Variants in CDKAL1 observed in about 807,000 individuals in gnomAD.
CDKAL1 encodes threonylcarbamoyladenosine tRNA methylthiotransferase.
Under a neutral mutation model 68.2 loss-of-function variants are expected in CDKAL1, and 32 were observed. That is an observed-to-expected ratio of 0.47 (90% CI 0.35 to 0.63). The LOEUF (loss-of-function observed/expected upper bound fraction) is 0.63, where lower values mean the gene tolerates loss of function less well. Ranked by LOEUF, CDKAL1 falls within the 30% of genes least tolerant of loss-of-function variation. The pLI is 0.00. For synonymous variants in CDKAL1, 234 were observed against 244.3 expected (o/e 0.96, Z 0.39); for missense variants, 606 against 696.7 (o/e 0.87, Z 1.47).
chr6:20,926,523 A>C (rs1433277796), intron 9 of CDKAL1, among the ~76,000 whole-genome samples: 1 of 152,134 alleles, frequency 6.6e-6, no homozygotes, highest in Non-Finnish European at 1.5e-5. Context: ...TTCTGTGAAA[A>C]CAGAGTAAAA....
intron 8 of CDKAL1, among the ~76,000 whole-genome samples, chr6:20,834,932 C>A (rs1777867599): frequency 6.6e-6 from 1 of 152,112 alleles, no homozygotes; most frequent in African/African-American, 2.4e-5. Context: ...CAGGAAACAG[C>A]TAGCAAACAC....
rs952101681 is a variant in CDKAL1 at position 21,204,611 on chromosome 6, G to A, written c.1548+3337G>A. ...TATGCTACATGTGTTCACTCATATCGCCCTCATAACCCTGAGAGGAAGGCA... is the reference window on the plus strand; with the variant it reads ...TATGCTACATGTGTTCACTCATATCACCCTCATAACCCTGAGAGGAAGGCA... On this transcript the variant is annotated intron_variant, in intron 15 of 15. Coordinates refer to ENST00000274695, the MANE Select transcript of CDKAL1 (RefSeq NM_017774.3). Among the ~76,000 whole-genome samples the A allele has an allele frequency of 1.4e-4, 21 of 151,944 alleles. 1 individual carries two copies. Among genetic ancestry groups the A allele is most frequent in the African/African-American group, 4.1e-4 (17 of 41,304 alleles).
In CDKAL1 at chr6:20,958,166, A is replaced by T. The variant is rs547407675; in HGVS notation, c.909+2581A>T. On this transcript the variant is annotated intron_variant, in intron 10 of 15. Coordinates refer to ENST00000274695, the MANE Select transcript of CDKAL1 (RefSeq NM_017774.3). ...CTCTGCACTTTATGTGCAGGAGGTAATCCAGGCTGTGATACCACACCCAGG... is the reference window on the plus strand; with the variant it reads ...CTCTGCACTTTATGTGCAGGAGGTATTCCAGGCTGTGATACCACACCCAGG... 1.1e-4 allele frequency among the ~76,000 whole-genome samples: 16 copies of T among 152,256 alleles called. No homozygotes were observed. In the South Asian group the frequency reaches 2.9e-3, roughly 28 times the overall value.
Position 21,059,778 on chromosome 6 carries a change from G to A in CDKAL1, c.1056-5270G>A, listed in dbSNP as rs180675205. ...CCCCTGATTTTAAAAATATTTTTAA[G>A]TACCTTTTAGGGTACAAGTGGTTTC... On this transcript the variant is annotated intron_variant, in intron 11 of 15. Transcript: ENST00000274695. Among the ~76,000 whole-genome samples, 41 of 152,206 alleles carry A rather than the reference G, an allele frequency of 2.7e-4. 1 individual carries two copies. In the East Asian group the frequency reaches 4.6e-3, roughly 17 times the overall value.
chr6:20,976,984 CATA>C (rs1341518804), intron 10 of CDKAL1, among the ~76,000 whole-genome samples: 3 of 152,130 alleles, frequency 2.0e-5, no homozygotes, highest in African/African-American at 7.2e-5. Context: ...TTTTGGCAGA[CATA>C]ATACACTCAT....
chr6:20,748,558 A>G (rs1773769702), intron 6 of CDKAL1, among the ~76,000 whole-genome samples: 2 of 7,182 alleles, frequency 2.8e-4, no homozygotes, highest in African/African-American at 7.2e-4. Context: ...GTTTCTGGAA[A>G]AAAAAAAAAA....
chr6:20,891,789 T>C (rs1415546737), intron 9 of CDKAL1, among the ~76,000 whole-genome samples: 1 of 152,176 alleles, frequency 6.6e-6, no homozygotes, highest in Non-Finnish European at 1.5e-5. Flanking sequence ...CGCCTTGGCC[T>C]CCCAAAATGC....
intron 8 of CDKAL1, among the ~76,000 whole-genome samples, chr6:20,791,411 AAC>A (rs1265390684): frequency 6.6e-6 from 1 of 152,200 alleles, no homozygotes; most frequent in Non-Finnish European, 1.5e-5. Flanking sequence ...TTGTGACTCG[AAC>A]CACATCATCT....
chr6:20,908,665 G>A (rs927520909), intron 9 of CDKAL1, among the ~76,000 whole-genome samples: 32 of 152,064 alleles, frequency 2.1e-4, no homozygotes, highest in Non-Finnish European at 3.8e-4. Context: ...AGGGAAAAAG[G>A]TTTCCTCCAG....
intron 9 of CDKAL1, among the ~76,000 whole-genome samples, chr6:20,896,103 C>CTTTTTTTTTTTTTTTTTTTTTTTTT (rs777787310): frequency 1.1e-5 from 1 of 90,146 alleles, no homozygotes; most frequent in African/African-American, 4.0e-5. Flanking sequence ...CTTTTCTTTT[C>CTTTTTTTTTTTTTTTTTTTTTTTTT]TTTTTTTTTT....
intron 9 of CDKAL1, among the ~76,000 whole-genome samples, chr6:20,886,345 T>C (rs1283295989): frequency 1.3e-5 from 2 of 152,186 alleles, no homozygotes; most frequent in East Asian, 3.8e-4. Flanking sequence ...CTTAAAAAGT[T>C]GAACATAGAA....
chr6:20,567,055 C>T (rs947735562), intron 4 of CDKAL1, among the ~76,000 whole-genome samples: 9 of 151,712 alleles, frequency 5.9e-5, no homozygotes, highest in Admixed American at 2.0e-4. Flanking sequence ...ATGTTCTTTT[C>T]GCTTTGTCTT....
At chr6:21,199,992 A>G (rs1778624947) in intron 14 of CDKAL1, among the ~76,000 whole-genome samples, 1 of 152,180 alleles carries the variant, frequency 6.6e-6, no homozygotes, top group Non-Finnish European at 1.5e-5. Flanking sequence ...CTGTCTCTAT[A>G]ACTAAGCATA....
intron 5 of CDKAL1, among the ~76,000 whole-genome samples, chr6:20,692,364 C>T (rs191433212): frequency 6.6e-6 from 1 of 152,186 alleles, no homozygotes; most frequent in Non-Finnish European, 1.5e-5. Flanking sequence ...CTGTTGGGAG[C>T]TCCAAACATC....
intron 9 of CDKAL1, among the ~76,000 whole-genome samples, chr6:20,848,793 CT>C (rs773701322): frequency 3.2e-3 from 448 of 139,106 alleles, no homozygotes; most frequent in Non-Finnish European, 3.3e-3. Context: ...TTCTTTCTTT[CT>C]TTTTTTTTTT....
chr6:20,824,765 C>T (rs72832364), intron 8 of CDKAL1, among the ~76,000 whole-genome samples: 15,750 of 152,074 alleles, frequency 0.1, 899 homozygotes, highest in African/African-American at 0.13. Context: ...GAAAGGATTC[C>T]GCAAGGGCGT....
chr6:20,820,683 G>T (rs1561805287), intron 8 of CDKAL1, among the ~76,000 whole-genome samples: 1 of 152,136 alleles, frequency 6.6e-6, no homozygotes, highest in Non-Finnish European at 1.5e-5. Flanking sequence ...CTCTTTTGCT[G>T]TGTGACCTTG....
intron 5 of CDKAL1, among the ~76,000 whole-genome samples, chr6:20,666,476 C>T (rs1769548759): frequency 6.6e-6 from 1 of 151,932 alleles, no homozygotes; most frequent in Admixed American, 6.6e-5. Flanking sequence ...CATGAAATAC[C>T]TGTTTGCTAG....
At chr6:20,947,855 C>T (rs9460581) in intron 9 of CDKAL1, among the ~76,000 whole-genome samples, 14,264 of 152,000 alleles carry the variant, frequency 0.094, 712 homozygotes, top group South Asian at 0.13. Flanking sequence ...CTACTGAATG[C>T]GTATCGCTTT....
Sources: gnomAD v4.1 joint callset for allele counts (sites outside exome capture counted in the v4.1 genomes callset) on GRCh38, gnomAD v4.1.1 for gene constraint, MANE v1.5 for transcripts, NCBI Gene and HGNC (gene_info 2026-07-23, HGNC 2026-07-21) for gene names.